Variants in ADAMTSL1 observed in about 807,000 individuals in gnomAD.
ADAMTSL1 encodes ADAMTS like 1.
Under a neutral mutation model 201.8 loss-of-function variants are expected in ADAMTSL1, and 126 were observed. The observed-to-expected ratio is 0.62, with a 90% CI of 0.54 to 0.72. The LOEUF (loss-of-function observed/expected upper bound fraction) is 0.72. ADAMTSL1 is among the 30% of genes least tolerant of loss of function. The pLI is 0.00. For synonymous variants in ADAMTSL1, 1,121 were observed against 903.4 expected (o/e 1.24, Z -4.32); for missense variants, 2,679 against 2,277.8 (o/e 1.18, Z -3.59).
chr9:18,685,939 G>A (rs1282829647), intron 13 of ADAMTSL1, among the ~76,000 whole-genome samples: 1 of 149,366 alleles, frequency 6.7e-6, no homozygotes, highest in Admixed American at 6.6e-5. Context: ...TTTTTTTTGA[G>A]ATAGGGTCTC....
At chr9:18,639,116 C>A in intron 6 of ADAMTSL1, 138 bp from the exon 7 acceptor site, 1 of 761,670 alleles carries the variant, frequency 1.3e-6, no homozygotes, top group Non-Finnish European at 2.1e-6. Context: ...TTGTTGATAT[C>A]ACAATTTCAA....
intron 1 of ADAMTSL1, among the ~76,000 whole-genome samples, chr9:17,938,846 T>C (rs1827116116): frequency 6.6e-6 from 1 of 152,178 alleles, no homozygotes; most frequent in Non-Finnish European, 1.5e-5. Context: ...TGACTTTCCA[T>C]GGCTTTCCCC....
intron 7 of ADAMTSL1, among the ~76,000 whole-genome samples, chr9:18,646,775 G>A (rs1372918196): frequency 6.6e-6 from 1 of 152,120 alleles, no homozygotes; most frequent in African/African-American, 2.4e-5. Context: ...TTGATGTGCT[G>A]CTGGATTCGG....
intron 2 of ADAMTSL1, among the ~76,000 whole-genome samples, chr9:18,207,779 G>A (rs1000479277): frequency 6.6e-6 from 1 of 150,866 alleles, no homozygotes; most frequent in African/African-American, 2.4e-5. Flanking sequence ...GCGGGTCTCA[G>A]GTCCTTTTGA....
At chr9:18,192,783 A>C (rs1424715646) in intron 2 of ADAMTSL1, among the ~76,000 whole-genome samples, 10 of 152,150 alleles carry the variant, frequency 6.6e-5, no homozygotes, top group African/African-American at 2.4e-4. Flanking sequence ...GGTTTTAGAG[A>C]ATGAAAGAAA....
At chr9:18,810,242 G>A (rs1350292414) in intron 20 of ADAMTSL1, among the ~76,000 whole-genome samples, 2 of 152,150 alleles carry the variant, frequency 1.3e-5, no homozygotes, top group African/African-American at 4.8e-5. Context: ...AAGGAAAAAG[G>A]CCCCTGAACA....
At chr9:18,840,745 C>A (rs1174380871) in intron 23 of ADAMTSL1, among the ~76,000 whole-genome samples, 1 of 150,574 alleles carries the variant, frequency 6.6e-6, no homozygotes, top group Admixed American at 6.6e-5. Flanking sequence ...TTGAAGAGGT[C>A]CTTCACATCC....
chr9:18,080,759 T>C (rs1468339760), intron 1 of ADAMTSL1, among the ~76,000 whole-genome samples: 1 of 152,238 alleles, frequency 6.6e-6, no homozygotes, highest in Non-Finnish European at 1.5e-5. Context: ...TAAGTAGTAT[T>C]AGACTTGAAT....
intron 2 of ADAMTSL1, among the ~76,000 whole-genome samples, chr9:18,399,052 G>C (rs964661436): frequency 5.3e-5 from 8 of 151,666 alleles, no homozygotes; most frequent in Non-Finnish European, 1.0e-4. Context: ...TTATGTGCTA[G>C]TTAGATGTTC....
intron 14 of ADAMTSL1, among the ~76,000 whole-genome samples, chr9:18,713,980 A>C (rs2133375678): frequency 6.7e-6 from 1 of 150,078 alleles, no homozygotes. Flanking sequence ...GAAACTGAAC[A>C]ACCTGCTCCT....
At chr9:18,817,964 A>G (rs1020377266) in intron 21 of ADAMTSL1, among the ~76,000 whole-genome samples, 1 of 152,230 alleles carries the variant, frequency 6.6e-6, no homozygotes, top group Non-Finnish European at 1.5e-5. Flanking sequence ...GCAAACTCAG[A>G]GGTCAACAGG....
intron 1 of ADAMTSL1, among the ~76,000 whole-genome samples, chr9:18,095,416 C>CCTTTTT (rs1371286278): frequency 1.0e-5 from 1 of 100,128 alleles, no homozygotes; most frequent in Non-Finnish European, 2.0e-5. Context: ...TTCTTTCTTT[C>CCTTTTT]TTTTTTTTTT....
At chr9:18,847,012 T>G (rs1399260985) in intron 23 of ADAMTSL1, among the ~76,000 whole-genome samples, 1 of 152,184 alleles carries the variant, frequency 6.6e-6, no homozygotes, top group Non-Finnish European at 1.5e-5. Flanking sequence ...TGTGTAGTTA[T>G]AAGGAGGAGA....
intron 1 of ADAMTSL1, among the ~76,000 whole-genome samples, chr9:18,155,554 A>G (rs1433741263): frequency 6.6e-6 from 1 of 152,004 alleles, no homozygotes; most frequent in Non-Finnish European, 1.5e-5. Context: ...ACTATGAGAT[A>G]TTATGTCATT....
chr9:18,498,619 G>A (rs572470349), intron 1 of ADAMTSL1, among the ~76,000 whole-genome samples: 45 of 152,090 alleles, frequency 3.0e-4, no homozygotes, highest in African/African-American at 1.1e-3. Flanking sequence ...ATGAGCCACC[G>A]CGCCCGGCCA....
chr9:18,073,645 T>C (rs1176627495), intron 1 of ADAMTSL1, among the ~76,000 whole-genome samples: 1 of 152,210 alleles, frequency 6.6e-6, no homozygotes, highest in East Asian at 1.9e-4. Flanking sequence ...AACTATATCA[T>C]GTTATTGACA....
chr9:18,417,367 G>GAAAAAAAAAAAAAAAAAAA (rs80226819), intron 2 of ADAMTSL1, among the ~76,000 whole-genome samples: 5 of 64,668 alleles, frequency 7.7e-5, no homozygotes, highest in East Asian at 3.7e-4. Flanking sequence ...AAGTAAGCAG[G>GAAAAAAAAAAAAAAAAAAA]AAAAAAAAAA....
At chr9:18,334,929 G>T (rs1835168781) in intron 2 of ADAMTSL1, among the ~76,000 whole-genome samples, 1 of 152,002 alleles carries the variant, frequency 6.6e-6, no homozygotes, top group East Asian at 1.9e-4. Flanking sequence ...TCTTTATTTG[G>T]AATATTTTCT....
At chr9:18,677,084 A>G (rs1221836308) in intron 10 of ADAMTSL1, among the ~76,000 whole-genome samples, 1 of 152,060 alleles carries the variant, frequency 6.6e-6, no homozygotes, top group East Asian at 1.9e-4. Context: ...ATACAAGTGA[A>G]AGTTGTCATC....
Sources: allele counts gnomAD v4.1 joint callset (sites outside exome capture counted in the v4.1 genomes callset), GRCh38; gene constraint gnomAD v4.1.1; transcripts MANE v1.5; gene names NCBI Gene and HGNC (gene_info 2026-07-23, HGNC 2026-07-21).